Variants in SORCS1 observed in about 807,000 individuals in gnomAD.
The protein encoded by SORCS1 is VPS10 domain-containing receptor SorCS1.
A neutral mutation model predicts 146.1 loss-of-function variants in SORCS1; 60 were observed. That is an observed-to-expected ratio of 0.41 (90% confidence interval 0.33 to 0.51). The LOEUF (loss-of-function observed/expected upper bound fraction) is 0.51, where lower values mean the gene tolerates loss of function less well. SORCS1 is among the 20% of genes least tolerant of loss of function. The pLI is 0.21. For synonymous variants in SORCS1, 637 were observed against 584.0 expected (o/e 1.09, Z -1.31); for missense variants, 1,352 against 1,487.6 (o/e 0.91, Z 1.50).
chr10:106,813,128 C>CTTTTTTTTT lies in SORCS1; in HGVS notation c.726+16437_726+16445dup, dbSNP rs71025557. ...TCTTTGTTTCTTTTTCTTCTCTTTT[C>CTTTTTTTTT]TTTTTTTTTTTTTTTTTTTTTTGAG... On this transcript the variant is annotated intron_variant, in intron 3 of 25. Coordinates refer to ENST00000263054, the MANE Select transcript of SORCS1 (RefSeq NM_052918.5). 4.1e-4 allele frequency among the ~76,000 whole-genome samples: 40 copies of CTTTTTTTTT among 98,716 alleles called. 1 individual carries two copies. The highest frequency in any genetic ancestry group is 4.9e-4 in the Non-Finnish European group (24 of 49,108). 64.8% of individuals were successfully genotyped at this position (98,716 alleles called of 152,430 possible).
intron 1 of SORCS1, among the ~76,000 whole-genome samples, chr10:107,078,211 T>C (rs1963043213): frequency 1.3e-5 from 2 of 152,212 alleles, no homozygotes. Flanking sequence ...ACTATAGTAA[T>C]TTTAAATGTT....
At chr10:106,765,493 G>A (rs1430799961) in intron 4 of SORCS1, among the ~76,000 whole-genome samples, 1 of 152,084 alleles carries the variant, frequency 6.6e-6, no homozygotes, top group Non-Finnish European at 1.5e-5. Context: ...GCCAGGGTTA[G>A]TTTCATTGAG....
intron 2 of SORCS1, among the ~76,000 whole-genome samples, chr10:106,901,508 C>T (rs966030368): frequency 1.3e-5 from 2 of 152,196 alleles, no homozygotes; most frequent in African/African-American, 4.8e-5. Context: ...TCTCGGCTCA[C>T]TGCAGCCTCA....
intron 4 of SORCS1, among the ~76,000 whole-genome samples, chr10:106,772,473 TCTCTCTCTCTCTCTCTCCCCTC>T (rs1860100365): frequency 6.8e-6 from 1 of 147,034 alleles, no homozygotes; most frequent in African/African-American, 2.6e-5. Flanking sequence ...TCAATCAATC[TCTCTCTCTCTCTCTCTCCCCTC>T]CTCTCTCTCT....
chr10:106,736,602 T>TAAA (rs10684476), intron 5 of SORCS1, among the ~76,000 whole-genome samples: 5 of 38,746 alleles, frequency 1.3e-4, no homozygotes, highest in South Asian at 7.2e-4. Context: ...TAACCCTGGT[T>TAAA]AAAAAAAAAA....
intron 21 of SORCS1, among the ~76,000 whole-genome samples, chr10:106,614,743 C>A (rs531898669): frequency 6.6e-6 from 1 of 152,228 alleles, no homozygotes; most frequent in African/African-American, 2.4e-5. Context: ...AGCATACTAA[C>A]CAGCATGGCA....
At chr10:106,822,753 C>T (rs1948102681) in intron 3 of SORCS1, among the ~76,000 whole-genome samples, 1 of 146,782 alleles carries the variant, frequency 6.8e-6, no homozygotes, top group Non-Finnish European at 1.5e-5. Context: ...GAAAATGCCA[C>T]TTCCACTATG....
intron 1 of SORCS1, among the ~76,000 whole-genome samples, chr10:107,078,749 C>T (rs192295834): frequency 2.2e-4 from 34 of 152,186 alleles, no homozygotes; most frequent in Non-Finnish European, 3.7e-4. Flanking sequence ...AAACTACAAC[C>T]CATATTTCCT....
Position 107,163,969 on chromosome 10 carries a change from G to A in SORCS1, c.558C>T (p.Ser186=). The A allele has an allele frequency of 6.2e-7, 1 of 1,610,460 alleles. No individual in the cohort carries two copies. Among genetic ancestry groups the A allele is most frequent in the Non-Finnish European group, 8.5e-7 (1 of 1,177,520 alleles). ...AMVHWSGHNS[S]VILILTKLYD... is the part of the protein sequence containing the mutation. ...TTACCCTCAGTCCCATTCTACTCACGCTGCTGTTGTGGCCAGACCAGTGGA... is the reference window on the plus strand; with the variant it reads ...TTACCCTCAGTCCCATTCTACTCACACTGCTGTTGTGGCCAGACCAGTGGA... Residue 186 remains serine (S), a splice_region_variant and synonymous_variant, in exon 1 of 26, where the codon AGC becomes AGT. Coordinates refer to ENST00000263054, the MANE Select transcript of SORCS1 (RefSeq NM_052918.5).
chr10:106,599,104 C>T (rs1008639819), intron 23 of SORCS1, among the ~76,000 whole-genome samples: 3 of 152,030 alleles, frequency 2.0e-5, no homozygotes, highest in Non-Finnish European at 2.9e-5. Context: ...GATTTCTGGC[C>T]GGGCACAGTG....
intron 5 of SORCS1, among the ~76,000 whole-genome samples, chr10:106,751,303 C>T (rs1020013828): frequency 2.8e-4 from 43 of 152,032 alleles, no homozygotes; most frequent in African/African-American, 1.0e-3. Context: ...TTATCCAAAC[C>T]ATACAGGATT....
intron 10 of SORCS1, among the ~76,000 whole-genome samples, chr10:106,681,292 G>A (rs1330901075): frequency 1.3e-5 from 2 of 152,162 alleles, no homozygotes; most frequent in Admixed American, 6.5e-5. Context: ...GATAACTGCA[G>A]CCTATCAGGC....
At chr10:107,031,262 C>T (rs941059846) in intron 1 of SORCS1, among the ~76,000 whole-genome samples, 5 of 152,180 alleles carry the variant, frequency 3.3e-5, no homozygotes, top group African/African-American at 1.2e-4. Context: ...AGCTAAGCTC[C>T]TTCATTTGGT....
chr10:106,785,819 G>C (rs1946030595), intron 3 of SORCS1, among the ~76,000 whole-genome samples: 1 of 152,082 alleles, frequency 6.6e-6, no homozygotes, highest in African/African-American at 2.4e-5. Flanking sequence ...GCCTAGAGGG[G>C]GTCATCCAGG....
At chr10:106,754,683 T>C (rs1218412071) in intron 5 of SORCS1, among the ~76,000 whole-genome samples, 1 of 152,186 alleles carries the variant, frequency 6.6e-6, no homozygotes, top group South Asian at 2.1e-4. Flanking sequence ...TGAGAATGTG[T>C]ATACATGCTG....
intron 2 of SORCS1, among the ~76,000 whole-genome samples, chr10:106,908,238 G>A (rs550672996): frequency 2.0e-5 from 3 of 152,150 alleles, no homozygotes; most frequent in East Asian, 1.9e-4. Context: ...ACAGTTCCAC[G>A]GGTTATGAGC....
At chr10:107,114,655 A>G (rs1965905528) in intron 1 of SORCS1, among the ~76,000 whole-genome samples, 1 of 152,160 alleles carries the variant, frequency 6.6e-6, no homozygotes, top group African/African-American at 2.4e-5. Context: ...ATAATACTCA[A>G]TGGTGAAAAA....
In SORCS1 at chr10:106,878,649, T is replaced by TA. The variant is rs1491300730; in HGVS notation, c.627-48977_627-48976insT. The stretch of plus-strand genomic sequence containing the variant: ...ATATATATATATATATATATATATA[T>TA]TTTATAGCAGCCTGAATGGACTAAG... On this transcript the variant is annotated intron_variant, in intron 2 of 25. Transcript: ENST00000263054. 7.8e-3 allele frequency among the ~76,000 whole-genome samples: 1,072 copies of TA among 137,582 alleles called. 33 individuals are homozygous for TA. The highest frequency in any genetic ancestry group is 0.065 in the East Asian group (289 of 4,476). 90.3% of individuals were successfully genotyped at this position (137,582 alleles called of 152,430 possible). A position where few individuals can be genotyped will look rare whatever the true frequency, so the allele number is the denominator to read the frequency against.
At chr10:107,101,349 T>C (rs1240353540) in intron 1 of SORCS1, among the ~76,000 whole-genome samples, 5 of 152,196 alleles carry the variant, frequency 3.3e-5, no homozygotes. Context: ...CCCGGTCTAT[T>C]TTTTCATGTT....
Sources: gnomAD v4.1 joint callset for allele counts (sites outside exome capture counted in the v4.1 genomes callset) on GRCh38, gnomAD v4.1.1 for gene constraint, MANE v1.5 for transcripts, NCBI Gene and HGNC (gene_info 2026-07-23, HGNC 2026-07-21) for gene names.